Variants in TRAPPC3L observed in about 807,000 individuals in gnomAD.
The protein encoded by TRAPPC3L is trafficking protein particle complex subunit 3-like protein.
In TRAPPC3L, 23 loss-of-function variants were observed where a neutral mutation model predicts 23.7. The ratio of observed to expected loss-of-function variants is 0.97; its 90% confidence interval spans 0.70 to 1.37. TRAPPC3L has a LOEUF of 1.37. TRAPPC3L is among the 40% of genes most tolerant of loss of function. The probability of loss-of-function intolerance (pLI) is 0.00; values close to 1 mark genes in which losing one functional copy is unlikely to be tolerated. For missense variants in TRAPPC3L, 212 were observed against 216.8 expected (o/e 0.98, Z 0.14); for synonymous variants, 81 against 77.9 (o/e 1.04, Z -0.21).
At chr6:116,536,877 G>A (rs541834188) in intron 3 of TRAPPC3L, among the ~76,000 whole-genome samples, 11 of 152,106 alleles carry the variant, frequency 7.2e-5, no homozygotes, top group Non-Finnish European at 1.5e-4. Flanking sequence ...TTTGACATCT[G>A]CCTCCTCTGA....
Position 116,543,391 on chromosome 6 carries a change from G to A in TRAPPC3L, c.52C>T (p.Leu18Phe), listed in dbSNP as rs373855578. The stretch of plus-strand genomic sequence containing the variant: ...AGAGCTCCATAGGTAAGGACAAAGA[G>A]ATCTTTATTCTGGAGAAAAAGGGGT... The part of the protein sequence containing the change: ...RPEYHKINKD[L>F]FVLTYGALVA... The change falls in exon 2 of 5, where the codon CTC (leucine) becomes TTC (phenylalanine). Residue 18 changes from leucine to phenylalanine, a missense_variant. By Grantham distance (22) the Leu-to-Phe change is conservative. Coordinates refer to ENST00000368602, the MANE Select transcript of TRAPPC3L (RefSeq NM_001139444.3). 4.3e-5 allele frequency: 67 copies of A among 1,549,038 alleles called. No homozygotes were observed. The African/African-American group carries it at 8.9e-4, about 21-fold the overall frequency.
At chr6:116,500,427 A>T in intron 4 of TRAPPC3L, 54 bp downstream of exon 4, 4 of 1,431,328 alleles carry the variant, frequency 2.8e-6, no homozygotes, top group Non-Finnish European at 3.8e-6. Flanking sequence ...ATCTTATTTT[A>T]GCCTTAGAAG....
chr6:116,537,673 G>A (rs138213121), intron 3 of TRAPPC3L, among the ~76,000 whole-genome samples: 25 of 152,212 alleles, frequency 1.6e-4, no homozygotes, highest in African/African-American at 5.1e-4. Context: ...GAAGGGACTC[G>A]AGGAGCCCTT....
intron 3 of TRAPPC3L, among the ~76,000 whole-genome samples, chr6:116,533,512 G>A (rs1273848984): frequency 6.6e-6 from 1 of 152,122 alleles, no homozygotes; most frequent in Non-Finnish European, 1.5e-5. Flanking sequence ...TAATTCCAGC[G>A]TGAGAGAGCA....
At chr6:116,505,451 A>G (rs145540429) in intron 3 of TRAPPC3L, among the ~76,000 whole-genome samples, 3,842 of 152,314 alleles carry the variant, frequency 0.025, 74 homozygotes, top group Middle Eastern at 0.095. Flanking sequence ...GCCCAAGGTA[A>G]TTTATAGATT....
chr6:116,516,660 A>AATATATATATATATAT (rs57050552), intron 3 of TRAPPC3L: 1 of 104,394 alleles, frequency 9.6e-6, no homozygotes, highest in African/African-American at 4.2e-5. Flanking sequence ...AGTAGTAACA[A>AATATATATATATATAT]ATATATATAT....
chr6:116,527,519 C>CAAAAAAAAAAAAA (rs34686241), intron 3 of TRAPPC3L, among the ~76,000 whole-genome samples: 3 of 112,366 alleles, frequency 2.7e-5, no homozygotes, highest in Non-Finnish European at 3.5e-5. Flanking sequence ...CGTCTCAAAA[C>CAAAAAAAAAAAAA]AAAAAAAAAA....
At chr6:116,527,276 G>GC (rs1422949297) in intron 3 of TRAPPC3L, among the ~76,000 whole-genome samples, 1 of 143,052 alleles carries the variant, frequency 7.0e-6, no homozygotes, top group African/African-American at 3.0e-5. Context: ...CCAGCACTTT[G>GC]GGGGGCCGAG....
intron 3 of TRAPPC3L, chr6:116,511,804 T>C (rs975930544): frequency 6.2e-7 from 1 of 1,614,100 alleles, no homozygotes; most frequent in Admixed American, 1.7e-5. Flanking sequence ...TCTTTTCTGT[T>C]GTGGCTTTTA....
intron 3 of TRAPPC3L, chr6:116,521,463 C>T (rs183843149): frequency 6.6e-6 from 1 of 151,536 alleles, no homozygotes. Context: ...TATTGGTGAC[C>T]CAACTCCAGG....
At chr6:116,518,413 T>C (rs1012507343) in intron 3 of TRAPPC3L, 5 of 152,282 alleles carry the variant, frequency 3.3e-5, no homozygotes, top group African/African-American at 9.7e-5. Context: ...AAAAGGTTTG[T>C]TTTTTCTACG....
chr6:116,517,219 T>G (rs1006222124), intron 3 of TRAPPC3L: 7 of 152,088 alleles, frequency 4.6e-5, no homozygotes, highest in Non-Finnish European at 2.9e-5. Context: ...CATATGAAAT[T>G]GGGGGAGACA....
At chr6:116,510,425 G>A (rs188314034) in intron 3 of TRAPPC3L, among the ~76,000 whole-genome samples, 5 of 150,998 alleles carry the variant, frequency 3.3e-5, no homozygotes, top group African/African-American at 7.3e-5. Flanking sequence ...GGGACTACAG[G>A]TGCATGCCAC....
intron 2 of TRAPPC3L, among the ~76,000 whole-genome samples, chr6:116,542,120 A>G (rs1394861862): frequency 6.6e-6 from 1 of 152,184 alleles, no homozygotes; most frequent in African/African-American, 2.4e-5. Flanking sequence ...AATAAAATGA[A>G]GTAATTTCTG....
chr6:116,509,987 A>G (rs1772080837), intron 3 of TRAPPC3L, among the ~76,000 whole-genome samples: 1 of 152,190 alleles, frequency 6.6e-6, no homozygotes, highest in Non-Finnish European at 1.5e-5. Flanking sequence ...CAAGAAGAAA[A>G]CAAATAATCC....
chr6:116,511,670 A>T, intron 3 of TRAPPC3L: 1 of 1,600,234 alleles, frequency 6.2e-7, no homozygotes, highest in Non-Finnish European at 8.5e-7. Context: ...ACAAAGGCAC[A>T]GCATTTTCCC....
At chr6:116,503,454 TAGAC>T (rs1246299643) in intron 3 of TRAPPC3L, among the ~76,000 whole-genome samples, 4 of 152,178 alleles carry the variant, frequency 2.6e-5, no homozygotes, top group African/African-American at 9.7e-5. Context: ...CTGTCAATAT[TAGAC>T]AGATCAACGA....
intron 2 of TRAPPC3L, among the ~76,000 whole-genome samples, chr6:116,542,718 A>G (rs888757577): frequency 6.6e-6 from 1 of 152,136 alleles, no homozygotes; most frequent in Non-Finnish European, 1.5e-5. Context: ...TTAAAAAGGA[A>G]GAAGTGAGTT....
At chr6:116,527,519 CAA>C (rs34686241) in intron 3 of TRAPPC3L, among the ~76,000 whole-genome samples, 30 of 112,364 alleles carry the variant, frequency 2.7e-4, no homozygotes, top group South Asian at 9.1e-4. Flanking sequence ...CGTCTCAAAA[CAA>C]AAAAAAAAAA....
Sources: gnomAD v4.1 joint callset for allele counts (sites outside exome capture counted in the v4.1 genomes callset) on GRCh38, gnomAD v4.1.1 for gene constraint, MANE v1.5 for transcripts, NCBI Gene and HGNC (gene_info 2026-07-23, HGNC 2026-07-21) for gene names.